The following PLEKHD1 variants were observed in gnomAD, a reference collection of about 807,000 sequenced individuals.
PLEKHD1 encodes pleckstrin homology and coiled-coil domain containing D1, also known as pleckstrin homology domain-containing family D member 1.
PLEKHD1 carries 51 observed loss-of-function variants against 69.2 expected under a neutral mutation model. The ratio of observed to expected loss-of-function variants is 0.74; its 90% CI spans 0.59 to 0.93. The LOEUF is 0.93. PLEKHD1 is among the 40% of genes least tolerant of loss of function. The pLI is 0.00. For synonymous variants in PLEKHD1, 236 were observed against 244.7 expected (o/e 0.96, Z 0.33); for missense variants, 584 against 641.0 (o/e 0.91, Z 0.96).
rs554122250 is a variant in PLEKHD1, at chr14:69,489,592, A to G, written c.149+4478A>G. Among the ~76,000 whole-genome samples the G allele has an allele frequency of 7.0e-3, 1,053 of 150,148 alleles. 17 individuals carry two copies. The highest frequency in any genetic ancestry group is 0.053 in the South Asian group (233 of 4,432). ...AAAAAAAAAAAAAAAGGAAAAAAAA[A>G]GAAAGTGAATCTAAGCTTAGAGGCA... On this transcript the variant is annotated intron_variant, in intron 1 of 12. Transcript: ENST00000322564.
At chr14:69,477,501 G>A in the PLEKHD1 span, among the ~76,000 whole-genome samples, 1 of 152,108 alleles carries the variant, frequency 6.6e-6, no homozygotes, top group African/African-American at 2.4e-5. Flanking sequence ...GAAGTCCACA[G>A]TCCAAAATCT....
chr14:69,507,276 T>C (rs1014850586), intron 6 of PLEKHD1, among the ~76,000 whole-genome samples: 4 of 152,208 alleles, frequency 2.6e-5, no homozygotes, highest in African/African-American at 9.7e-5. Context: ...CTTTTTTAGA[T>C]TGGCTTCTTT....
chr14:69,506,069 G>C (rs1883145735), intron 6 of PLEKHD1, among the ~76,000 whole-genome samples: 1 of 152,200 alleles, frequency 6.6e-6, no homozygotes, highest in African/African-American at 2.4e-5. Context: ...TCAGAGTACA[G>C]ACTCTTTGAG....
At chr14:69,507,591 C>A (rs1287497649) in intron 6 of PLEKHD1, among the ~76,000 whole-genome samples, 1 of 152,230 alleles carries the variant, frequency 6.6e-6, no homozygotes, top group Non-Finnish European at 1.5e-5. Context: ...GCCAAACTGT[C>A]TTCCAAAGTA....
intron 6 of PLEKHD1, among the ~76,000 whole-genome samples, chr14:69,513,359 C>A (rs1566562384): frequency 6.6e-6 from 1 of 152,014 alleles, no homozygotes; most frequent in African/African-American, 2.4e-5. Flanking sequence ...TCCAGGGGTG[C>A]CTGTGATCAG....
rs1193548422 is a variant in PLEKHD1 at position 69,527,939 on chromosome 14, G to A, written c.1351+7G>A. 1 of 1,551,378 alleles carries A rather than the reference G, an allele frequency of 6.4e-7. No individual in the cohort carries two copies. On this transcript the variant is annotated splice_region_variant and intron_variant, in intron 12 of 12. Coordinates refer to ENST00000322564, the MANE Select transcript of PLEKHD1 (RefSeq NM_001161498.2). ...AGCACCTCCTGGAATGACAGTGAGTGTGGCTGTCTGCGTGCCCTGGTGGGA... is the reference window on the plus strand; with the variant it reads ...AGCACCTCCTGGAATGACAGTGAGTATGGCTGTCTGCGTGCCCTGGTGGGA...
intron 1 of PLEKHD1, among the ~76,000 whole-genome samples, chr14:69,488,205 C>T (rs1005871440): frequency 5.3e-5 from 8 of 152,170 alleles, no homozygotes; most frequent in African/African-American, 1.9e-4. Context: ...AATCTCAGGC[C>T]ACAACCTGTA....
At chr14:69,471,090 CTTTTTTTTTTTTTTTTTTT>C in the PLEKHD1 span, among the ~76,000 whole-genome samples, 2 of 44,720 alleles carry the variant, frequency 4.5e-5, no homozygotes, top group African/African-American at 1.7e-4. Flanking sequence ...CGTGCCTGGC[CTTTTTTTTTTTTTTTTTTT>C]TTTTTTTTTT....
At chr14:69,494,598 C>T (rs114006071) in intron 1 of PLEKHD1, among the ~76,000 whole-genome samples, 1,624 of 152,344 alleles carry the variant, frequency 0.011, 30 homozygotes, top group African/African-American at 0.036. Flanking sequence ...GAACCCTTAG[C>T]ACAGAAGCCA....
At position 69,484,923 on chromosome 14, in the gene PLEKHD1, G is replaced by T. The variant is rs1372125755; in HGVS notation, c.-43G>T. 3 of 1,539,292 alleles carry T rather than the reference G, an allele frequency of 1.9e-6. No homozygotes were observed. The highest frequency in any genetic ancestry group is 2.7e-5 in the African/African-American group (2 of 72,812). On this transcript the variant is annotated 5_prime_UTR_variant, in exon 1 of 13. Transcript: ENST00000322564. ...CTCGCCCCGAGTCCCTGCTGACCCC[G>T]GGGAGGTGGGGTCCGGGCCGGGCAC...
chr14:69,503,104 G>A (rs1883067426), intron 6 of PLEKHD1: 14 of 550,126 alleles, frequency 2.5e-5, no homozygotes, highest in Non-Finnish European at 4.6e-5. Flanking sequence ...AAGTGAAAAG[G>A]GTGGGTGATG....
intron 6 of PLEKHD1, among the ~76,000 whole-genome samples, chr14:69,521,975 C>A (rs1348260248): frequency 1.3e-5 from 2 of 152,130 alleles, no homozygotes; most frequent in Non-Finnish European, 2.9e-5. Context: ...AGCTGCCCTG[C>A]AGAGTAGATA....
Position 69,496,514 on chromosome 14 carries a change from G to A in PLEKHD1, c.150-3601G>A, listed in dbSNP as rs531421381. Among the ~76,000 whole-genome samples, 275 of 151,906 alleles carry A rather than the reference G, an allele frequency of 1.8e-3. 1 individual carries two copies. Among genetic ancestry groups the A allele is most frequent in the Non-Finnish European group, 3.3e-3 (227 of 67,968 alleles). ...ACACGGTGGAGGAAGAGGAAAAAGAGGGTGAAAGAGGTTTGATTTATTTAT... is the reference window on the plus strand; with the variant it reads ...ACACGGTGGAGGAAGAGGAAAAAGAAGGTGAAAGAGGTTTGATTTATTTAT... On this transcript the variant is annotated intron_variant, in intron 1 of 12. Coordinates refer to ENST00000322564, the MANE Select transcript of PLEKHD1 (RefSeq NM_001161498.2).
chr14:69,526,045 G>C lies in PLEKHD1; in HGVS notation c.846G>C (p.Gly282=). Residue 282 remains glycine (G), a synonymous_variant, in exon 9 of 13, where the codon GGG becomes GGC. Transcript: ENST00000322564. ...ANQSEQPPPS[G]GLHSNLRQIE... is the part of the protein sequence containing the mutation. ...AGAGTGAGCAGCCCCCTCCCAGTGGGGGCCTCCATAGCAACCTCCGGCAGA... is the reference window on the plus strand; with the variant it reads ...AGAGTGAGCAGCCCCCTCCCAGTGGCGGCCTCCATAGCAACCTCCGGCAGA... 1 of 1,551,636 alleles carries C rather than the reference G, an allele frequency of 6.4e-7. No individual in the cohort carries two copies. Among genetic ancestry groups the C allele is most frequent in the Non-Finnish European group, 8.7e-7 (1 of 1,146,974 alleles).
intron 1 of PLEKHD1, among the ~76,000 whole-genome samples, chr14:69,495,125 C>T (rs932403008): frequency 6.6e-6 from 1 of 152,212 alleles, no homozygotes; most frequent in African/African-American, 2.4e-5. Flanking sequence ...CTACCCTGAA[C>T]ATCCACCTTC....
chr14:69,486,750 C>T (rs528050311), intron 1 of PLEKHD1, among the ~76,000 whole-genome samples: 2 of 152,288 alleles, frequency 1.3e-5, no homozygotes, highest in South Asian at 4.1e-4. Flanking sequence ...AGGGTATGTC[C>T]CCTGGTCCTC....
intron 5 of PLEKHD1, 54 bp from the exon 6 acceptor site, chr14:69,502,773 C>G (rs1883058739): frequency 6.5e-7 from 1 of 1,548,802 alleles, no homozygotes; most frequent in Non-Finnish European, 8.7e-7. Context: ...CTCAGGACCT[C>G]AGAGCACTTT....
chr14:69,502,690 T>C (rs1477989102), intron 5 of PLEKHD1, 137 bp from the exon 6 acceptor site: 5 of 1,091,992 alleles, frequency 4.6e-6, no homozygotes, highest in Non-Finnish European at 6.6e-6. Flanking sequence ...GCCCACCCTC[T>C]GGCTGGCAGG....
chr14:69,479,349 G>T, the PLEKHD1 span, among the ~76,000 whole-genome samples: 2 of 152,208 alleles, frequency 1.3e-5, no homozygotes, highest in Non-Finnish European at 2.9e-5. Context: ...AGGAGCTGGG[G>T]TCAAGGGAAT....
Sources: gnomAD v4.1 joint callset for allele counts (sites outside exome capture counted in the v4.1 genomes callset) on GRCh38, gnomAD v4.1.1 for gene constraint, MANE v1.5 for transcripts, NCBI Gene and HGNC (gene_info 2026-07-23, HGNC 2026-07-21) for gene names.